The following PLXNB2 variants were observed in gnomAD, a reference collection of about 807,000 sequenced individuals.
The protein encoded by PLXNB2 is plexin B2, also known as plexin-B2.
PLXNB2 carries 85 observed loss-of-function variants against 202.6 expected under a neutral mutation model. That is an observed-to-expected ratio of 0.42 (90% CI 0.35 to 0.50). PLXNB2 has a LOEUF of 0.50. Ranked by LOEUF, PLXNB2 falls within the 20% of genes least tolerant of loss-of-function variation. The pLI is 0.02. For synonymous variants in PLXNB2, 1,239 were observed against 1,137.6 expected, an observed-to-expected ratio of 1.09 and a Z score of -1.79; for missense variants, 2,063 against 2,586.2, an observed-to-expected ratio of 0.80 and a Z score of 4.39.
At chr22:50,302,086 G>A (rs1352227239) in intron 1 of PLXNB2, among the ~76,000 whole-genome samples, 2 of 152,238 alleles carry the variant, frequency 1.3e-5, no homozygotes, top group African/African-American at 2.4e-5. Flanking sequence ...CTGGAGCCCC[G>A]AGGGAGGGGC....
intron 24 of PLXNB2, 30 bp downstream of exon 24, chr22:50,280,714 G>GCCCCCCCCCCC: frequency 5.9e-6 from 9 of 1,528,940 alleles, no homozygotes; most frequent in Admixed American, 1.9e-5. Context: ...CCACCTGTGT[G>GCCCCCCCCCCC]CCCTCCCGCC....
Position 50,287,783 on chromosome 22 carries a change from T to C in PLXNB2, c.1492A>G (p.Lys498Glu). 6.3e-7 allele frequency: 1 copy of C among 1,590,950 alleles called. No homozygotes were observed. Among genetic ancestry groups the C allele is most frequent in the Non-Finnish European group, 8.5e-7 (1 of 1,175,834 alleles). The stretch of plus-strand genomic sequence containing the variant: ...TCCTCGGCCCGCGGACACTCGGCCT[T>C]CCGGGTGCATCTGCAGGCGCAGGGG... ...WCVVEGRCTR[K>E]AECPRAEEAS... The change falls in exon 7 of 37, where the codon AAG becomes GAG. Residue 498 changes from lysine to glutamate, a missense_variant. Lys to Glu is a moderately conservative substitution (Grantham distance 56). Coordinates refer to ENST00000359337, the MANE Select transcript of PLXNB2 (RefSeq NM_012401.4).
Position 50,281,687 on chromosome 22 carries a change from G to A in PLXNB2, c.3401C>T (p.Ala1134Val). 1 of 1,572,190 alleles carries A rather than the reference G, an allele frequency of 6.4e-7. No individual in the cohort carries two copies. Among genetic ancestry groups the A allele is most frequent in the Non-Finnish European group, 8.6e-7 (1 of 1,156,466 alleles). Residue 1134 changes from alanine to valine, a missense_variant, in exon 21 of 37, where the codon GCC (alanine) becomes GTC (valine). Coordinates refer to ENST00000359337, the MANE Select transcript of PLXNB2 (RefSeq NM_012401.4). ...TLQEAEAFVG[A>V]ERCTMKTLTE... is the part of the protein sequence containing the mutation. ...CAGCGTCTTCATGGTGCAGCGCTCG[G>A]CACCCACGAAGGCCTCGGCCTCCTG...
At chr22:50,307,329 G>A (rs1399603841) in intron 1 of PLXNB2, among the ~76,000 whole-genome samples, 1 of 150,402 alleles carries the variant, frequency 6.6e-6, no homozygotes, top group East Asian at 2.0e-4. Flanking sequence ...CGCCGGGCCC[G>A]TCCCCCGAGT....
At position 50,297,176 on chromosome 22, in the gene PLXNB2, G is replaced by C. The variant is rs927022107; in HGVS notation, c.-73-2398C>G. On this transcript the variant is annotated intron_variant, in intron 1 of 36. Transcript: ENST00000359337. The surrounding 1 kb of genome is among the most constrained non-coding windows in gnomAD (Gnocchi z 5.3). Reference sequence around the variant, plus strand: ...AGGTGGCAGCCATGGCGGTGGCACGGTACCCCCAGACCTGCCATCTTGAAG... The same window carrying C: ...AGGTGGCAGCCATGGCGGTGGCACGCTACCCCCAGACCTGCCATCTTGAAG... Among the ~76,000 whole-genome samples the C allele has an allele frequency of 6.6e-6, 1 of 152,096 alleles. No individual in the cohort carries two copies. Among genetic ancestry groups the C allele is most frequent in the Non-Finnish European group, 1.5e-5 (1 of 67,988 alleles).
rs148722170 is a variant in PLXNB2 at position 50,286,237 on chromosome 22, G to A, written c.1813C>T (p.Leu605Phe). Residue 605 changes from leucine to phenylalanine, a missense_variant, in exon 9 of 37, where the codon CTC (leucine) becomes TTC (phenylalanine). By Grantham distance (22) the Leu-to-Phe change is conservative (BLOSUM62 0). Coordinates refer to ENST00000359337, the MANE Select transcript of PLXNB2 (RefSeq NM_012401.4). ...TAGAAGGGGTACTGGTAGGACGTGA[G>A]GAAGATGTTGCCTCGTCTAAGGAGG... ...QLLLRRGNIF[L>F]TSYQYPFYDC... 3.0e-5 allele frequency: 49 copies of A among 1,613,316 alleles called. No individual in the cohort carries two copies. In the African/African-American group the frequency reaches 5.9e-4, roughly 19 times the overall value.
At position 50,283,594 on chromosome 22, in the gene PLXNB2, C is replaced by G. The variant is rs762828176; in HGVS notation, c.2570+8G>C. On this transcript the variant is annotated splice_region_variant and intron_variant, in intron 15 of 36. Transcript: ENST00000359337. ...CTGACAGGGCCCAGACCAGGGCCGT[C>G]CACTCACCGGGTGGACACGGAGTAA... The G allele has an allele frequency of 6.2e-7, 1 of 1,612,202 alleles. No homozygotes were observed. The highest frequency in any genetic ancestry group is 1.7e-5 in the Admixed American group (1 of 59,966).
chr22:50,283,502 C>G, intron 15 of PLXNB2, 57 bp from the exon 16 acceptor site: 1 of 1,501,234 alleles, frequency 6.7e-7, no homozygotes, highest in Non-Finnish European at 9.1e-7. Context: ...CACACCCTGA[C>G]ACCCTCACCC....
intron 1 of PLXNB2, among the ~76,000 whole-genome samples, chr22:50,295,177 T>C (rs1011800150): frequency 6.6e-6 from 1 of 151,806 alleles, no homozygotes; most frequent in South Asian, 2.1e-4. Context: ...AAAAATTAGA[T>C]GGGCCTGGTG....
rs974698274 is a variant in PLXNB2, at chr22:50,307,597, G to C, written c.-118C>G. On this transcript the variant is annotated 5_prime_UTR_variant, in exon 1 of 37. Coordinates refer to ENST00000359337, the MANE Select transcript of PLXNB2 (RefSeq NM_012401.4). ...GCTCGATGGCGCCCGGGCCGCGCTC[G>C]GCGCTGCGCTCTGGCCCGCGCTGCT... 14 of 982,144 alleles carry C rather than the reference G, an allele frequency of 1.4e-5. No individual in the cohort carries two copies. Among genetic ancestry groups the C allele is most frequent in the Non-Finnish European group, 1.6e-5 (13 of 828,760 alleles). The allele number at this position is 982,144 out of a possible 1,614,324, so 60.8% of individuals were successfully genotyped here. A position where few individuals can be genotyped will look rare whatever the true frequency, so the allele number is the denominator to read the frequency against.
At chr22:50,282,572 G>A in intron 18 of PLXNB2, 139 bp downstream of exon 18, 2 of 654,206 alleles carry the variant, frequency 3.1e-6, no homozygotes, top group Non-Finnish European at 2.5e-6. Context: ...TGGATCTGGA[G>A]TGCAGTGGGG....
At chr22:50,295,474 A>C (rs1240494075) in intron 1 of PLXNB2, among the ~76,000 whole-genome samples, 2 of 152,150 alleles carry the variant, frequency 1.3e-5, no homozygotes, top group Non-Finnish European at 2.9e-5. Flanking sequence ...AGAGGTTTAC[A>C]AGGACTAAAT....
In PLXNB2 at chr22:50,280,628, C is replaced by T. The variant is rs769778490; in HGVS notation, c.4036G>A (p.Ala1346Thr). 26 of 1,612,510 alleles carry T rather than the reference C, an allele frequency of 1.6e-5. No homozygotes were observed. Among genetic ancestry groups the T allele is most frequent in the Non-Finnish European group, 2.0e-5 (24 of 1,179,870 alleles). Reference protein sequence around the residue: ...LENQREFSARAKVYFASLLTV... With the variant: ...LENQREFSARTKVYFASLLTV... The stretch of plus-strand genomic sequence containing the variant: ...AGCAGGGACGCGAAGTAGACCTTGG[C>T]GCGGGCCGAGAACTCCCGCTGGTTC... The change falls in exon 25 of 37, where the codon GCC becomes ACC. Residue 1346 changes from alanine to threonine, a missense_variant. Physicochemically the swap from Ala to Thr is moderately conservative, Grantham distance 58. Coordinates refer to ENST00000359337, the MANE Select transcript of PLXNB2 (RefSeq NM_012401.4).
chr22:50,279,805 G>A (rs768223469), intron 26 of PLXNB2, 29 bp from the exon 27 acceptor site: 2 of 1,612,982 alleles, frequency 1.2e-6, no homozygotes, highest in Non-Finnish European at 8.5e-7. Flanking sequence ...GAGGCTGGGA[G>A]GTCAGGGGAC....
chr22:50,303,863 C>A (rs939960102), intron 1 of PLXNB2, among the ~76,000 whole-genome samples: 1 of 152,220 alleles, frequency 6.6e-6, no homozygotes, highest in African/African-American at 2.4e-5. Flanking sequence ...TGGGCCGGGA[C>A]TCAGCTGGCA....
intron 14 of PLXNB2, 32 bp downstream of exon 14, chr22:50,283,801 G>C (rs1200721396): frequency 6.2e-7 from 1 of 1,612,456 alleles, no homozygotes; most frequent in African/African-American, 1.3e-5. Flanking sequence ...CAGGGACGAG[G>C]GAAGGTGTAG....
At chr22:50,301,305 TG>T in intron 1 of PLXNB2, 2 of 715,748 alleles carry the variant, frequency 2.8e-6, no homozygotes, top group Non-Finnish European at 3.4e-6. Flanking sequence ...TGCTACACCG[TG>T]GTCCTTCGGG....
In PLXNB2 at chr22:50,297,207, C is replaced by T. The variant is rs2067341804; in HGVS notation, c.-73-2429G>A. 6.6e-6 allele frequency among the ~76,000 whole-genome samples: 1 copy of T among 152,134 alleles called. No homozygotes were observed. Among genetic ancestry groups the T allele is most frequent in the Admixed American group, 6.5e-5 (1 of 15,284 alleles). On this transcript the variant is annotated intron_variant, in intron 1 of 36. Coordinates refer to ENST00000359337, the MANE Select transcript of PLXNB2 (RefSeq NM_012401.4). This position sits in a 1 kb window ranked among gnomAD's most constrained non-coding sequence, Gnocchi z 5.3. ...CCAGACCTGCCATCTTGAAGGGACG[C>T]CACACCGGCCTGTGTGCCCCATGCC...
chr22:50,304,938 A>G (rs942542481), intron 1 of PLXNB2, among the ~76,000 whole-genome samples: 39 of 152,314 alleles, frequency 2.6e-4, no homozygotes, highest in African/African-American at 8.7e-4. Flanking sequence ...CTCTGGGCAC[A>G]AGAGGTTCCC....
Sources: gnomAD v4.1 joint callset for allele counts (sites outside exome capture counted in the v4.1 genomes callset) on GRCh38, gnomAD v4.1.1 for gene constraint, Gnocchi (gnomAD v3.1) non-coding constraint, MANE v1.5 for transcripts, NCBI Gene and HGNC (gene_info 2026-07-23, HGNC 2026-07-21) for gene names.